The following OTULIN variants were observed in gnomAD, a reference collection of about 807,000 sequenced individuals.
OTULIN encodes OTU deubiquitinase with linear linkage specificity.
OTULIN carries 15 observed loss-of-function variants against 39.6 expected under a neutral mutation model. The observed-to-expected ratio is 0.38, with a 90% CI of 0.25 to 0.58. The LOEUF is 0.58. OTULIN is among the 20% of genes least tolerant of loss of function. OTULIN has a pLI of 0.66. For missense variants in OTULIN, 319 were observed against 445.9 expected, an observed-to-expected ratio of 0.72 and a Z score of 2.56; for synonymous variants, 156 against 170.3, an observed-to-expected ratio of 0.92 and a Z score of 0.65.
rs1736755226 is a variant in OTULIN at position 14,699,570 on chromosome 5, TG to T, written c.*6523del. ...TCTACTTGTCTGAATTACGATGCTC[TG>T]CTCAACTCTGTGGACAGTGTTTCTT... On this transcript the variant is annotated 3_prime_UTR_variant, in exon 7 of 7. Coordinates refer to ENST00000284274, the MANE Select transcript of OTULIN (RefSeq NM_138348.6). The T allele has an allele frequency of 6.6e-6, 1 of 152,240 alleles. No homozygotes were observed. Among genetic ancestry groups the T allele is most frequent in the South Asian group, 2.1e-4 (1 of 4,834 alleles). The allele number at this position is 152,240 out of a possible 1,614,324, so 9.4% of individuals were successfully genotyped here.
In OTULIN at chr5:14,664,772, A is replaced by T; in HGVS notation, c.-54A>T. ...GGCCACTGCCTGGCACCCCGACGGG[A>T]GGGGCTCCGGATCGTTCGGAGCCGG... On this transcript the variant is annotated 5_prime_UTR_variant, in exon 1 of 7. Transcript: ENST00000284274. The T allele has an allele frequency of 8.9e-7, 1 of 1,127,970 alleles. No homozygotes were observed. The highest frequency in any genetic ancestry group is 1.1e-6 in the Non-Finnish European group (1 of 920,622). The allele number at this position is 1,127,970 out of a possible 1,614,324, so 69.9% of individuals were successfully genotyped here.
At chr5:14,681,977 A>G (rs975903766) in intron 4 of OTULIN, among the ~76,000 whole-genome samples, 5 of 152,256 alleles carry the variant, frequency 3.3e-5, no homozygotes, top group African/African-American at 4.8e-5. Flanking sequence ...TTTAGCTATA[A>G]TTCAATAAAT....
chr5:14,713,237 G>T, the OTULIN span, among the ~76,000 whole-genome samples: 1 of 152,092 alleles, frequency 6.6e-6, no homozygotes, highest in African/African-American at 2.4e-5. This position sits in a 1 kb window ranked among gnomAD's most constrained non-coding sequence, Gnocchi z 4.4. Flanking sequence ...CTCCCTGAGC[G>T]CAGGGACCAT....
In OTULIN at chr5:14,687,547, C is replaced by A; in HGVS notation, c.495C>A (p.Tyr165Ter). The change falls in exon 5 of 7, where the codon TAC becomes TAA. Residue 165 changes from tyrosine (Y) to a stop codon, truncating the protein, a stop_gained. Coordinates refer to ENST00000284274, the MANE Select transcript of OTULIN (RefSeq NM_138348.6). LOFTEE classifies it high-confidence loss of function. ...TACCAGAAAAACTCATAAGCAAATA[C>A]AACTGGATCAAGCAATGGAAACTTG... ...MLLPEKLISK[Y>*]NWIKQWKLGL... 6.2e-7 allele frequency: 1 copy of A among 1,613,814 alleles called. No homozygotes were observed. Among genetic ancestry groups the A allele is most frequent in the Non-Finnish European group, 8.5e-7 (1 of 1,179,926 alleles).
chr5:14,707,890 C>T, the OTULIN span: 40 of 152,192 alleles, frequency 2.6e-4, no homozygotes, highest in South Asian at 1.2e-3. Context: ...AAGACAAACC[C>T]GATGCAGGCA....
At position 14,690,155 on chromosome 5, in the gene OTULIN, A is replaced by C. The variant is rs758821349; in HGVS notation, c.711A>C (p.Leu237=). Residue 237 remains leucine, a synonymous_variant, in exon 6 of 7, where the codon CTA becomes CTC. Coordinates refer to ENST00000284274, the MANE Select transcript of OTULIN (RefSeq NM_138348.6). The surrounding 1 kb of genome is among the most constrained non-coding windows in gnomAD (Gnocchi z 4.5). The stretch of plus-strand genomic sequence containing the variant: ...ATGAAGCTGTAAAATTTCTAATGCT[A>C]AACAGAGCCATTGAACTATATAATG... The part of the protein sequence containing the change: ...SLYEAVKFLM[L]NRAIELYNDK... The C allele has an allele frequency of 6.2e-7, 1 of 1,614,190 alleles. No individual in the cohort carries two copies. The highest frequency in any genetic ancestry group is 1.3e-5 in the African/African-American group (1 of 75,040).
chr5:14,670,690 C>T (rs1735958153), intron 1 of OTULIN, among the ~76,000 whole-genome samples: 1 of 152,112 alleles, frequency 6.6e-6, no homozygotes, highest in Non-Finnish European at 1.5e-5. Flanking sequence ...CTGCAGCCTC[C>T]AACTCCTAGG....
chr5:14,670,185 G>A (rs1187075208), intron 1 of OTULIN, among the ~76,000 whole-genome samples: 1 of 152,112 alleles, frequency 6.6e-6, no homozygotes, highest in Non-Finnish European at 1.5e-5. Flanking sequence ...GAGCTTCAGT[G>A]GTTTCTTTTG....
In OTULIN at chr5:14,694,531, T is replaced by C. The variant is rs149539563; in HGVS notation, c.*1483T>C. On this transcript the variant is annotated 3_prime_UTR_variant, in exon 7 of 7. Transcript: ENST00000284274. ...TTATTTGGTCCAATTTAATATAGTTTAGAAGCTATTTTTTTTGAGGCAAAC... is the reference window on the plus strand; with the variant it reads ...TTATTTGGTCCAATTTAATATAGTTCAGAAGCTATTTTTTTTGAGGCAAAC... 829 of 152,284 alleles carry C rather than the reference T, an allele frequency of 5.4e-3. 10 individuals are homozygous for C. The highest frequency in any genetic ancestry group is 0.019 in the African/African-American group (783 of 41,496). 9.4% of individuals were successfully genotyped at this position (152,284 alleles called of 1,614,324 possible).
At chr5:14,704,222 C>T (rs1026236819), downstream of OTULIN, among the ~76,000 whole-genome samples, 15 of 140,618 alleles carry the variant, frequency 1.1e-4, no homozygotes, top group Admixed American at 3.1e-4. Flanking sequence ...CCCAGCTACT[C>T]GGGAGGCTGA....
At chr5:14,686,191 A>C (rs1194591525) in intron 4 of OTULIN, among the ~76,000 whole-genome samples, 2 of 152,226 alleles carry the variant, frequency 1.3e-5, no homozygotes, top group Non-Finnish European at 1.5e-5. Flanking sequence ...ACTATTTATG[A>C]AAGGGTCTTT....
intron 2 of OTULIN, among the ~76,000 whole-genome samples, chr5:14,678,378 C>T (rs1213137691): frequency 6.6e-6 from 1 of 152,172 alleles, no homozygotes; most frequent in Admixed American, 6.5e-5. Context: ...GCCCCTGGAG[C>T]TCTCTGAGCG....
the OTULIN span, chr5:14,712,853 CTCCCGGCGCGGCT>C: frequency 6.3e-7 from 1 of 1,582,804 alleles, no homozygotes; most frequent in Non-Finnish European, 8.6e-7. Context: ...CGGGAGGAGG[CTCCCGGCGCGGCT>C]GTCTCACCTG....
rs774342576 is a variant in OTULIN at position 14,690,291 on chromosome 5, A to G, written c.847A>G (p.Thr283Ala). 6.2e-7 allele frequency: 1 copy of G among 1,614,112 alleles called. No individual in the cohort carries two copies. Residue 283 changes from threonine to alanine, a missense_variant, in exon 6 of 7, where the codon ACT (threonine) becomes GCT (alanine). Physicochemically the swap from Thr to Ala is moderately conservative, Grantham distance 58. Coordinates refer to ENST00000284274, the MANE Select transcript of OTULIN (RefSeq NM_138348.6). The surrounding 1 kb of genome is among the most constrained non-coding windows in gnomAD (Gnocchi z 4.5). ...GAACCACCTCAACCAGGTGGGACAC[A>G]CTGGTGGTCTTGAACAGGTAAGTTG... ...LRNHLNQVGHTGGLEQVEMFL... is the reference protein window; with the variant it reads ...LRNHLNQVGHAGGLEQVEMFL...
chr5:14,680,422 CACGATGAGGGTA>C (rs1233801272), intron 3 of OTULIN, among the ~76,000 whole-genome samples: 1 of 152,194 alleles, frequency 6.6e-6, no homozygotes, highest in African/African-American at 2.4e-5. Context: ...GCGTCCACCC[CACGATGAGGGTA>C]ACACTTCTTT....
rs1299258669 is a variant in OTULIN, at chr5:14,690,224, G to T, written c.780G>T (p.Leu260=). Residue 260 remains leucine (L), a synonymous_variant, in exon 6 of 7, where the codon CTG becomes CTT. Coordinates refer to ENST00000284274, the MANE Select transcript of OTULIN (RefSeq NM_138348.6). The surrounding 1 kb of genome is among the most constrained non-coding windows in gnomAD (Gnocchi z 4.5). The part of the protein sequence containing the change: ...GKEVPFFSVL[L]FARDTSNDPG... ...AAGTACCATTTTTCTCTGTGCTTCTGTTTGCTCGGGACACATCAAATGACC... is the reference window on the plus strand; with the variant it reads ...AAGTACCATTTTTCTCTGTGCTTCTTTTTGCTCGGGACACATCAAATGACC... 6 of 1,614,194 alleles carry T rather than the reference G, an allele frequency of 3.7e-6. 1 individual carries two copies. In the South Asian group the frequency reaches 6.6e-5, roughly 18 times the overall value.
chr5:14,696,890 A>G lies in OTULIN; in HGVS notation c.*3842A>G, dbSNP rs764028015. 10 of 152,244 alleles carry G rather than the reference A, an allele frequency of 6.6e-5. No individual in the cohort carries two copies. Among genetic ancestry groups the G allele is most frequent in the Admixed American group, 2.0e-4 (3 of 15,288 alleles). 9.4% of individuals were successfully genotyped at this position (152,244 alleles called of 1,614,324 possible). On this transcript the variant is annotated 3_prime_UTR_variant, in exon 7 of 7. Transcript: ENST00000284274. ...GTTTAGTGAATGTGTGAGGAAAGAC[A>G]TGGGCAACTGATTATTAATGTTTTT...
intron 1 of OTULIN, among the ~76,000 whole-genome samples, chr5:14,666,895 C>CA (rs1296457686): frequency 6.6e-6 from 1 of 152,138 alleles, no homozygotes; most frequent in Non-Finnish European, 1.5e-5. Flanking sequence ...GTCATATAAA[C>CA]AAAGTTTCCA....
the OTULIN span, chr5:14,705,618 C>T: frequency 2.0e-5 from 3 of 152,470 alleles, no homozygotes; most frequent in East Asian, 5.8e-4. Context: ...TAGCTTTAGA[C>T]AGTTCCCTGA....
Sources: allele counts gnomAD v4.1 joint callset (sites outside exome capture counted in the v4.1 genomes callset), GRCh38; gene constraint gnomAD v4.1.1; non-coding constraint Gnocchi (gnomAD v3.1); transcripts MANE v1.5; gene names NCBI Gene and HGNC (gene_info 2026-07-23, HGNC 2026-07-21).